Variants in ZBTB11 observed in about 807,000 individuals in gnomAD.
ZBTB11 encodes zinc finger and BTB domain-containing protein 11.
Under a neutral mutation model 113.1 loss-of-function variants are expected in ZBTB11, and 68 were observed. The observed-to-expected ratio is 0.60, with a 90% CI of 0.49 to 0.74. The LOEUF (loss-of-function observed/expected upper bound fraction) is 0.74, where lower values mean the gene tolerates loss of function less well. Ranked by LOEUF, ZBTB11 falls within the 30% of genes least tolerant of loss-of-function variation. The pLI, the probability that ZBTB11 is intolerant of heterozygous loss-of-function variation, is 0.00. For synonymous variants in ZBTB11, 518 were observed against 452.6 expected, an observed-to-expected ratio of 1.14 and a Z score of -1.83; for missense variants, 1,104 against 1,279.4, an observed-to-expected ratio of 0.86 and a Z score of 2.09.
Position 101,654,825 on chromosome 3 carries a change from T to C in ZBTB11, c.2192-4A>G, listed in dbSNP as rs201163937. ...GAGCAAAGGTACTTGGACTCTCCTA[T>C]TAGAAAAAATTAAAACCCTGTCACA... On this transcript the variant is annotated splice_polypyrimidine_tract_variant and splice_region_variant and intron_variant, in intron 7 of 10. Transcript: ENST00000312938. 7.7e-5 allele frequency: 124 copies of C among 1,610,026 alleles called. No homozygotes were observed. Among genetic ancestry groups the C allele is most frequent in the Non-Finnish European group, 1.0e-4 (118 of 1,177,896 alleles).
At chr3:101,669,750 C>T (rs1937054563) in intron 3 of ZBTB11, among the ~76,000 whole-genome samples, 1 of 151,792 alleles carries the variant, frequency 6.6e-6, no homozygotes. Context: ...CTCATATGTA[C>T]ACCCCCTGAG....
chr3:101,651,093 C>A lies in ZBTB11; in HGVS notation c.*73G>T. 1 of 1,476,124 alleles carries A rather than the reference C, an allele frequency of 6.8e-7. No homozygotes were observed. Among genetic ancestry groups the A allele is most frequent in the South Asian group, 1.4e-5 (1 of 70,946 alleles). The allele number at this position is 1,476,124 out of a possible 1,614,324, so 91.4% of individuals were successfully genotyped here. On this transcript the variant is annotated 3_prime_UTR_variant, in exon 11 of 11. Coordinates refer to ENST00000312938, the MANE Select transcript of ZBTB11 (RefSeq NM_014415.4). ...TGTAAACTCCAAGCAGACAGTCACA[C>A]AGAATTGTAAACAAATGTTCTGTGA...
rs1030164138 is a variant in ZBTB11 at position 101,665,601 on chromosome 3, G to C, written c.986C>G (p.Ser329Cys). ...YKKGEVQTVASTQDLRVQNGG... is the reference protein window; with the variant it reads ...YKKGEVQTVACTQDLRVQNGG... ...ATTCTGTACTCGTAAGTCCTGGGTGGATGCAACTGTTTGTACTTCGCCCTT... is the reference window on the plus strand; with the variant it reads ...ATTCTGTACTCGTAAGTCCTGGGTGCATGCAACTGTTTGTACTTCGCCCTT... Residue 329 changes from serine (S) to cysteine (C), a missense_variant, in exon 4 of 11, where the codon TCC (serine) becomes TGC (cysteine). Physicochemically the swap from Ser to Cys is moderately radical, Grantham distance 112 (BLOSUM62 -1). Around this residue, in one of 5 missense-constraint regions of ZBTB11, gnomAD observed 535 missense variants for 518.6 expected, o/e 1.03. Transcript: ENST00000312938. 5.0e-6 allele frequency: 8 copies of C among 1,614,078 alleles called. No individual in the cohort carries two copies. The highest frequency in any genetic ancestry group is 1.6e-4 in the Middle Eastern group (1 of 6,084).
intron 6 of ZBTB11, among the ~76,000 whole-genome samples, chr3:101,657,853 AT>A: frequency 6.6e-6 from 1 of 152,004 alleles, no homozygotes; most frequent in East Asian, 1.9e-4. Flanking sequence ...AAAAAAAAAA[AT>A]TAGGTGGGTG....
intron 2 of ZBTB11, 116 bp downstream of exon 2, chr3:101,671,862 C>T: frequency 1.3e-6 from 1 of 772,752 alleles, no homozygotes; most frequent in Non-Finnish European, 2.3e-6. Flanking sequence ...CAGTACACTG[C>T]CATTTTGTCT....
In ZBTB11 at chr3:101,654,828, G is replaced by T. The variant is rs553468201; in HGVS notation, c.2192-7C>A. The T allele has an allele frequency of 1.2e-6, 2 of 1,608,672 alleles. No individual in the cohort carries two copies. The highest frequency in any genetic ancestry group is 1.1e-5 in the South Asian group (1 of 90,724). ...CAAAGGTACTTGGACTCTCCTATTAGAAAAAATTAAAACCCTGTCACATAT... is the reference window on the plus strand; with the variant it reads ...CAAAGGTACTTGGACTCTCCTATTATAAAAAATTAAAACCCTGTCACATAT... On this transcript the variant is annotated splice_polypyrimidine_tract_variant and splice_region_variant and intron_variant, in intron 7 of 10. Transcript: ENST00000312938.
chr3:101,672,290 T>C, intron 1 of ZBTB11, 77 bp from the exon 2 acceptor site: 1 of 1,011,988 alleles, frequency 9.9e-7, no homozygotes, highest in Non-Finnish European at 1.5e-6. Context: ...CTGTGCACAT[T>C]AACACATTTC....
In ZBTB11 at chr3:101,665,657, T is replaced by C. The variant is rs1289889750; in HGVS notation, c.930A>G (p.Leu310=). The change falls in exon 4 of 11, where the codon CTA becomes CTG. Residue 310 remains leucine (L), a synonymous_variant. Transcript: ENST00000312938. ...VLEICESVHK[L]MEEKQLTVYK... ...ATACTGTTAGCTGCTTCTCTTCCAT[T>C]AGCTTATGTACACTTTCACAAATCT... The C allele has an allele frequency of 1.2e-6, 2 of 1,614,204 alleles. No individual in the cohort carries two copies. The highest frequency in any genetic ancestry group is 2.2e-5 in the East Asian group (1 of 44,882).
Position 101,650,569 on chromosome 3 carries a change from A to C in ZBTB11, c.*597T>G, listed in dbSNP as rs184903470. 37 of 152,770 alleles carry C rather than the reference A, an allele frequency of 2.4e-4. No homozygotes were observed. The highest frequency in any genetic ancestry group is 8.9e-4 in the African/African-American group (37 of 41,596). 9.5% of individuals were successfully genotyped at this position (152,770 alleles called of 1,614,324 possible). ...CAAACTTGATTACAACATGTAACTCATAAGTGCTTTAAAATAGAATAAAGC... is the reference window on the plus strand; with the variant it reads ...CAAACTTGATTACAACATGTAACTCCTAAGTGCTTTAAAATAGAATAAAGC... On this transcript the variant is annotated 3_prime_UTR_variant, in exon 11 of 11. Coordinates refer to ENST00000312938, the MANE Select transcript of ZBTB11 (RefSeq NM_014415.4).
chr3:101,658,232 T>TC (rs1936831023), intron 6 of ZBTB11, among the ~76,000 whole-genome samples: 1 of 151,758 alleles, frequency 6.6e-6, no homozygotes, highest in African/African-American at 2.4e-5. Context: ...AATTAATTTT[T>TC]TTTTTTTTTT....
chr3:101,661,233 CAA>C (rs36039635), intron 5 of ZBTB11, among the ~76,000 whole-genome samples: 279 of 107,192 alleles, frequency 2.6e-3, no homozygotes, highest in African/African-American at 4.1e-3. Flanking sequence ...GACCCTGTCT[CAA>C]AAAAAAAAAA....
chr3:101,668,169 T>C (rs1384382617), intron 3 of ZBTB11, among the ~76,000 whole-genome samples: 1 of 149,242 alleles, frequency 6.7e-6, no homozygotes, highest in Non-Finnish European at 1.5e-5. Context: ...ATCATACAAG[T>C]AGAGAGAAGA....
chr3:101,654,692 T>C lies in ZBTB11; in HGVS notation c.2309+12A>G, dbSNP rs776765816. 8 of 1,601,082 alleles carry C rather than the reference T, an allele frequency of 5.0e-6. No homozygotes were observed. The African/African-American group carries it at 9.4e-5, about 19-fold the overall frequency. ...TTAAATTAACTGAATGCCTCACATA[T>C]TGAATACTTACTGAGTACAATGATA... On this transcript the variant is annotated intron_variant, in intron 8 of 10. Transcript: ENST00000312938.
chr3:101,654,711 A>G lies in ZBTB11; in HGVS notation c.2302T>C (p.Cys768Arg), dbSNP rs775434517. 1.2e-6 allele frequency: 2 copies of G among 1,613,818 alleles called. No individual in the cohort carries two copies. The highest frequency in any genetic ancestry group is 3.3e-5 in the Admixed American group (2 of 60,004). ...CACATATTGAATACTTACTGAGTAC[A>G]ATGATAGCCTCGAACCTCAGGCTTT... is the stretch of plus-strand genomic sequence containing the variant. ...QPKPEVRGYH[C>R]TQCEKSFFEA... The change falls in exon 8 of 11, where the codon TGT becomes CGT. Residue 768 changes from cysteine (C) to arginine (R), a missense_variant. Physicochemically the swap from Cys to Arg is radical, Grantham distance 180. Coordinates refer to ENST00000312938, the MANE Select transcript of ZBTB11 (RefSeq NM_014415.4).
chr3:101,675,785 A>G (rs984090762), intron 1 of ZBTB11, among the ~76,000 whole-genome samples: 14 of 152,206 alleles, frequency 9.2e-5, no homozygotes, highest in Admixed American at 4.6e-4. Context: ...GGGAAAGATT[A>G]TTAAAACATT....
intron 3 of ZBTB11, among the ~76,000 whole-genome samples, chr3:101,667,026 A>C (rs1038432173): frequency 2.6e-5 from 4 of 152,198 alleles, no homozygotes; most frequent in African/African-American, 7.2e-5. Context: ...CTGGGATTAC[A>C]GGCGTGAGCC....
rs747469923 is a variant in ZBTB11 at position 101,652,623 on chromosome 3, C to T, written c.2517G>A (p.Arg839=). ...KEFYEKALFR[R]HVKKATHGKK... ...TCCCATGGGTAGCTTTCTTTACATG[C>T]CTTCTGAACAAAGCTTTTTCATAAA... The change falls in exon 10 of 11, where the codon AGG becomes AGA. Residue 839 remains arginine (R), a synonymous_variant. Coordinates refer to ENST00000312938, the MANE Select transcript of ZBTB11 (RefSeq NM_014415.4). 7.4e-6 allele frequency: 12 copies of T among 1,613,958 alleles called. No individual in the cohort carries two copies. In the African/African-American group the frequency reaches 1.1e-4, roughly 14 times the overall value.
At chr3:101,664,811 A>G (rs1936953105) in intron 4 of ZBTB11, 97 bp from the exon 5 acceptor site, 2 of 1,471,832 alleles carry the variant, frequency 1.4e-6, no homozygotes, top group African/African-American at 2.8e-5. Flanking sequence ...TCAAATTCAC[A>G]TTATCTTATT....
In ZBTB11 at chr3:101,671,354, G is replaced by C; in HGVS notation, c.554C>G (p.Thr185Ser). 1 of 1,613,502 alleles carries C rather than the reference G, an allele frequency of 6.2e-7. No homozygotes were observed. Among genetic ancestry groups the C allele is most frequent in the Non-Finnish European group, 8.5e-7 (1 of 1,179,596 alleles). Residue 185 changes from threonine (T) to serine (S), a missense_variant, in exon 3 of 11, where the codon ACC becomes AGC. Transcript: ENST00000312938. ...AGAAGAACGTTTTACCACTCCTTTGGTGTCAACCTGTCAAAATAAGTTTGA... is the reference window on the plus strand; with the variant it reads ...AGAAGAACGTTTTACCACTCCTTTGCTGTCAACCTGTCAAAATAAGTTTGA... ...VSKHELVFVD[T>S]KGVVKRSSPK...
Sources: gnomAD v4.1 joint callset for allele counts (sites outside exome capture counted in the v4.1 genomes callset) on GRCh38, gnomAD v4.1.1 for gene constraint, gnomAD v4.1.1 regional missense constraint, MANE v1.5 for transcripts, NCBI Gene and HGNC (gene_info 2026-07-23, HGNC 2026-07-21) for gene names.